ZFPM2: variants seen among roughly 807,000 people sequenced by gnomAD.
ZFPM2 encodes zinc finger protein, FOG family member 2.
A neutral mutation model predicts 98.6 loss-of-function variants in ZFPM2; 20 were observed. The ratio of observed to expected loss-of-function variants is 0.20; its 90% CI spans 0.14 to 0.29. The LOEUF is 0.29. Among genes scored for constraint, ZFPM2 ranks in the 10% least tolerant of loss-of-function variants. ZFPM2 has a pLI of 1.00. For missense variants in ZFPM2, 1,310 were observed against 1,388.6 expected, an observed-to-expected ratio of 0.94 and a Z score of 0.90; for synonymous variants, 518 against 502.7, an observed-to-expected ratio of 1.03 and a Z score of -0.41.
chr8:105,727,522 A>G (rs1811840564), intron 5 of ZFPM2, among the ~76,000 whole-genome samples: 1 of 151,754 alleles, frequency 6.6e-6, no homozygotes, highest in Non-Finnish European at 1.5e-5. Flanking sequence ...CAATTATGCA[A>G]CCAGTAGTTT....
intron 1 of ZFPM2, among the ~76,000 whole-genome samples, chr8:105,378,008 T>C (rs1350441783): frequency 6.6e-6 from 1 of 152,190 alleles, no homozygotes; most frequent in African/African-American, 2.4e-5. Context: ...GGATGACTGC[T>C]GTGATGGATG....
rs1347147015 is a variant in ZFPM2 at position 105,318,914 on chromosome 8, A to C, written c.-28A>C. 7.3e-7 allele frequency: 1 copy of C among 1,374,796 alleles called. No homozygotes were observed. The highest frequency in any genetic ancestry group is 9.6e-7 in the Non-Finnish European group (1 of 1,045,118). The allele number at this position is 1,374,796 out of a possible 1,614,324, so 85.2% of individuals were successfully genotyped here. ...CAGCCGCGACCGCGGGCACCGCGGG[A>C]GCCCCAGCGGCAGCAGCCGCCGCCG... is the stretch of plus-strand genomic sequence containing the variant. On this transcript the variant is annotated 5_prime_UTR_variant, in exon 1 of 8. Coordinates refer to ENST00000407775, the MANE Select transcript of ZFPM2 (RefSeq NM_012082.4).
At chr8:105,563,570 A>G (rs184704291) in intron 4 of ZFPM2, among the ~76,000 whole-genome samples, 29 of 152,302 alleles carry the variant, frequency 1.9e-4, no homozygotes, top group Non-Finnish European at 2.8e-4. Context: ...TGCAGGCCTC[A>G]GTTGATTGAG....
At chr8:105,509,448 C>T (rs956153315) in intron 3 of ZFPM2, among the ~76,000 whole-genome samples, 4 of 151,984 alleles carry the variant, frequency 2.6e-5, no homozygotes, top group South Asian at 2.1e-4. Flanking sequence ...ATTGTTCATG[C>T]GATATGGTGC....
chr8:105,787,568 TACC>T (rs1813455660), intron 5 of ZFPM2: 1 of 152,210 alleles, frequency 6.6e-6, no homozygotes, highest in African/African-American at 2.4e-5. Context: ...ACCAGATTTT[TACC>T]ACAAGTTGTT....
chr8:105,712,085 G>A (rs973798091), intron 5 of ZFPM2, among the ~76,000 whole-genome samples: 3 of 152,058 alleles, frequency 2.0e-5, no homozygotes, highest in Admixed American at 1.3e-4. Context: ...TACAGAGGCT[G>A]TTAGTGCAGG....
At chr8:105,578,434 C>T (rs1815515694) in intron 4 of ZFPM2, among the ~76,000 whole-genome samples, 1 of 151,980 alleles carries the variant, frequency 6.6e-6, no homozygotes, top group South Asian at 2.1e-4. Flanking sequence ...AGTTTTACTC[C>T]AGTTACTCCA....
chr8:105,756,156 G>T (rs1812590591), intron 5 of ZFPM2, among the ~76,000 whole-genome samples: 14 of 152,070 alleles, frequency 9.2e-5, no homozygotes, highest in Admixed American at 9.2e-4. Context: ...GCTGTTTATT[G>T]CAACATCTTG....
At chr8:105,783,507 G>GCC (rs1294678427) in intron 5 of ZFPM2, among the ~76,000 whole-genome samples, 1 of 151,884 alleles carries the variant, frequency 6.6e-6, no homozygotes. Flanking sequence ...TCTTTATCTT[G>GCC]CCAAACTGAA....
intron 5 of ZFPM2, among the ~76,000 whole-genome samples, chr8:105,758,542 G>A (rs1289871612): frequency 1.3e-5 from 2 of 152,092 alleles, no homozygotes; most frequent in African/African-American, 4.8e-5. Flanking sequence ...TAGCAATAAT[G>A]TTCTGGATAC....
chr8:105,684,245 CCCTT>C (rs1179418591), intron 5 of ZFPM2, among the ~76,000 whole-genome samples: 1 of 152,078 alleles, frequency 6.6e-6, no homozygotes, highest in Non-Finnish European at 1.5e-5. Context: ...TTATATACGT[CCCTT>C]CCTTTTTTCA....
chr8:105,801,351 C>G lies in ZFPM2; in HGVS notation c.1269C>G (p.Ser423Arg). The G allele has an allele frequency of 1.2e-6, 2 of 1,613,908 alleles. No individual in the cohort carries two copies. The highest frequency in any genetic ancestry group is 8.5e-7 in the Non-Finnish European group (1 of 1,179,886). The change falls in exon 8 of 8, where the codon AGC becomes AGG. Residue 423 changes from serine (S) to arginine (R), a missense_variant. By Grantham distance (110) the Ser-to-Arg change is moderately radical. Coordinates refer to ENST00000407775, the MANE Select transcript of ZFPM2 (RefSeq NM_012082.4). The stretch of plus-strand genomic sequence containing the variant: ...TGACCAGAAGCGAACTTCCCCAGAG[C>G]CAAAAGGCCATGCAGACTAAAGATG... ...DLLTRSELPQ[S>R]QKAMQTKDAS...
At chr8:105,615,985 C>G (rs1159051686) in intron 4 of ZFPM2, among the ~76,000 whole-genome samples, 1 of 151,894 alleles carries the variant, frequency 6.6e-6, no homozygotes, top group East Asian at 1.9e-4. Context: ...ACAAATGAGG[C>G]AACATACAAA....
At chr8:105,664,131 T>C (rs753849558) in intron 5 of ZFPM2, among the ~76,000 whole-genome samples, 1 of 152,222 alleles carries the variant, frequency 6.6e-6, no homozygotes, top group African/African-American at 2.4e-5. Context: ...TAAAGGTTGG[T>C]AGATTTTGAA....
At chr8:105,721,234 C>T (rs966159203) in intron 5 of ZFPM2, among the ~76,000 whole-genome samples, 13 of 151,900 alleles carry the variant, frequency 8.6e-5, no homozygotes, top group Middle Eastern at 3.4e-3. Flanking sequence ...CTGTGTTTTC[C>T]GTCTGCCTTT....
chr8:105,775,374 T>C (rs768747532), intron 5 of ZFPM2, among the ~76,000 whole-genome samples: 4 of 151,984 alleles, frequency 2.6e-5, no homozygotes, highest in Non-Finnish European at 4.4e-5. Flanking sequence ...GAATGAAAAT[T>C]AAGCATACCC....
chr8:105,597,573 CTT>C (rs1815998071), intron 4 of ZFPM2, among the ~76,000 whole-genome samples: 1 of 151,914 alleles, frequency 6.6e-6, no homozygotes, highest in Non-Finnish European at 1.5e-5. Context: ...TTTGTTTTCT[CTT>C]TTTATGTTGA....
intron 4 of ZFPM2, among the ~76,000 whole-genome samples, chr8:105,629,911 C>G (rs1286794954): frequency 1.3e-5 from 2 of 152,104 alleles, no homozygotes; most frequent in African/African-American, 2.4e-5. Flanking sequence ...TTAGACTGGG[C>G]CCATCTGGAT....
chr8:105,653,407 T>C (rs1817218871), intron 5 of ZFPM2, among the ~76,000 whole-genome samples: 1 of 152,230 alleles, frequency 6.6e-6, no homozygotes, highest in Admixed American at 6.5e-5. Flanking sequence ...ATGTTTTACC[T>C]TCATTGATAC....
Sources: allele counts gnomAD v4.1 joint callset (sites outside exome capture counted in the v4.1 genomes callset), GRCh38; gene constraint gnomAD v4.1.1; transcripts MANE v1.5; gene names NCBI Gene and HGNC (gene_info 2026-07-23, HGNC 2026-07-21).